OPCML: variants seen among roughly 807,000 people sequenced by gnomAD.
The protein encoded by OPCML is opioid binding protein/cell adhesion molecule like.
A neutral mutation model predicts 37.8 loss-of-function variants in OPCML; 13 were observed. The ratio of observed to expected loss-of-function variants is 0.34; its 90% CI spans 0.22 to 0.55. The LOEUF (loss-of-function observed/expected upper bound fraction) is 0.55. Ranked by LOEUF, OPCML falls within the 20% of genes least tolerant of loss-of-function variation. OPCML has a pLI of 0.91. For synonymous variants in OPCML, 176 were observed against 168.8 expected (o/e 1.04, Z -0.33); for missense variants, 341 against 435.6 (o/e 0.78, Z 1.93).
At chr11:133,059,913 G>A (rs903676418) in intron 1 of OPCML, among the ~76,000 whole-genome samples, 3 of 152,140 alleles carry the variant, frequency 2.0e-5, no homozygotes, top group Non-Finnish European at 4.4e-5. Context: ...GAGCTTTCAG[G>A]TAAAGAATAG....
chr11:132,604,176 C>T (rs942653363), intron 3 of OPCML, among the ~76,000 whole-genome samples: 3 of 152,062 alleles, frequency 2.0e-5, no homozygotes, highest in African/African-American at 4.8e-5. Context: ...GGGCTCCATG[C>T]GTCTGTCCTC....
At chr11:133,287,696 G>A (rs894531280) in intron 1 of OPCML, among the ~76,000 whole-genome samples, 1 of 152,184 alleles carries the variant, frequency 6.6e-6, no homozygotes, top group Non-Finnish European at 1.5e-5. Context: ...AGAGACCCCT[G>A]AGGCAGGCAG....
At chr11:132,582,417 C>CA (rs974968997) in intron 3 of OPCML, among the ~76,000 whole-genome samples, 5 of 151,780 alleles carry the variant, frequency 3.3e-5, no homozygotes, top group African/African-American at 1.2e-4. Flanking sequence ...GCCCACATAG[C>CA]AAAAAAGTTT....
intron 1 of OPCML, chr11:133,422,533 C>G: frequency 2.1e-6 from 2 of 973,516 alleles, no homozygotes; most frequent in Non-Finnish European, 2.4e-6. Context: ...CGGGGTCCTG[C>G]TCTACCGCCC....
At chr11:132,550,750 A>T (rs2096379737) in intron 3 of OPCML, among the ~76,000 whole-genome samples, 1 of 152,184 alleles carries the variant, frequency 6.6e-6, no homozygotes, top group Non-Finnish European at 1.5e-5. Flanking sequence ...TGCCAGAGGA[A>T]CCTGAGTCCC....
At position 133,140,871 on chromosome 11, in the gene OPCML, CGAA is replaced by C. The variant is rs1298129723; in HGVS notation, c.62-197864_62-197862del. 2.7e-4 allele frequency among the ~76,000 whole-genome samples: 11 copies of C among 40,182 alleles called. 5 individuals are homozygous for C. The highest frequency in any genetic ancestry group is 7.3e-4 in the African/African-American group (11 of 14,998). The allele number at this position is 40,182 out of a possible 152,430, so 26.4% of individuals were successfully genotyped here. On this transcript the variant is annotated intron_variant, in intron 1 of 7. Transcript: ENST00000524381. ...ACGACGACGAAGAAGACGACGACGACGAAGAAGACGACGACGACGACGAAGACG... is the reference window on the plus strand; with the variant it reads ...ACGACGACGAAGAAGACGACGACGACGAAGACGACGACGACGACGAAGACG...
chr11:133,054,743 A>T (rs1160379990), intron 1 of OPCML, among the ~76,000 whole-genome samples: 1 of 152,220 alleles, frequency 6.6e-6, no homozygotes, highest in Non-Finnish European at 1.5e-5. Flanking sequence ...GGAGACCTGA[A>T]GTTGAGAAAC....
chr11:132,605,540 G>A (rs1312137453), intron 3 of OPCML, among the ~76,000 whole-genome samples: 1 of 152,062 alleles, frequency 6.6e-6, no homozygotes. Context: ...CTCCAGCCTG[G>A]CAACAGAGAT....
At chr11:132,632,975 G>T (rs968973003) in intron 3 of OPCML, among the ~76,000 whole-genome samples, 1 of 150,800 alleles carries the variant, frequency 6.6e-6, no homozygotes, top group African/African-American at 2.4e-5. Flanking sequence ...CATCCAGGAT[G>T]ACGAATTTAT....
chr11:133,126,029 CTATA>C (rs1010553358), intron 1 of OPCML, among the ~76,000 whole-genome samples: 7 of 148,096 alleles, frequency 4.7e-5, no homozygotes, highest in South Asian at 2.2e-4. Flanking sequence ...TATATATACA[CTATA>C]TATATACTAC....
chr11:132,424,963 A>T (rs188311588), intron 7 of OPCML, among the ~76,000 whole-genome samples: 1 of 152,308 alleles, frequency 6.6e-6, no homozygotes, highest in East Asian at 1.9e-4. Context: ...GAGAGAGACC[A>T]CTGGCTGTGA....
chr11:133,008,181 G>C, intron 1 of OPCML: 1 of 985,370 alleles, frequency 1.0e-6, no homozygotes, highest in Non-Finnish European at 1.2e-6. Flanking sequence ...AAGAACCCTT[G>C]GGTCATTCCA....
At chr11:133,275,365 C>A (rs960817889) in intron 1 of OPCML, among the ~76,000 whole-genome samples, 6 of 152,102 alleles carry the variant, frequency 3.9e-5, no homozygotes, top group Non-Finnish European at 8.8e-5. Context: ...TACTTCTTCT[C>A]ATCATTAATT....
intron 6 of OPCML, 37 bp from the exon 7 acceptor site, chr11:132,436,274 C>T: frequency 6.2e-7 from 1 of 1,613,858 alleles, no homozygotes; most frequent in Non-Finnish European, 8.5e-7. Context: ...ATTCATTCTA[C>T]AAAGAGGCCC....
chr11:133,526,184 G>T (rs1454642958), intron 1 of OPCML, among the ~76,000 whole-genome samples: 2 of 152,176 alleles, frequency 1.3e-5, no homozygotes, highest in Non-Finnish European at 2.9e-5. Context: ...GGATGTGCAG[G>T]GAATCTCTGC....
chr11:133,361,265 G>A (rs942902309), intron 1 of OPCML: 2 of 152,354 alleles, frequency 1.3e-5, no homozygotes, highest in Non-Finnish European at 2.9e-5. Flanking sequence ...GCCCTCTGGG[G>A]TGAAGTCCCG....
intron 2 of OPCML, among the ~76,000 whole-genome samples, chr11:132,903,834 G>GA (rs1211395386): frequency 6.6e-6 from 1 of 152,006 alleles, no homozygotes; most frequent in Non-Finnish European, 1.5e-5. Context: ...TATTTAAGGG[G>GA]AAAAAAATGA....
intron 3 of OPCML, among the ~76,000 whole-genome samples, chr11:132,637,153 A>C (rs370706345): frequency 7.9e-6 from 1 of 126,222 alleles, no homozygotes; most frequent in Middle Eastern, 3.9e-3. Flanking sequence ...TTTTTTTTTT[A>C]ACTGAATTTG....
chr11:132,492,956 C>T (rs1209647935), intron 4 of OPCML, among the ~76,000 whole-genome samples: 1 of 152,162 alleles, frequency 6.6e-6, no homozygotes, highest in Non-Finnish European at 1.5e-5. Flanking sequence ...TCCAGAGGGA[C>T]TAGCACAGTA....
Sources: allele counts gnomAD v4.1 joint callset (sites outside exome capture counted in the v4.1 genomes callset), GRCh38; gene constraint gnomAD v4.1.1; transcripts MANE v1.5; gene names NCBI Gene and HGNC (gene_info 2026-07-23, HGNC 2026-07-21).